Variants in MAP2 observed in about 807,000 individuals in gnomAD.
The protein encoded by MAP2 is microtubule associated protein 2, also known as microtubule-associated protein 2.
A neutral mutation model predicts 137.6 loss-of-function variants in MAP2; 14 were observed. That is an observed-to-expected ratio of 0.10 (90% CI 0.07 to 0.16). MAP2 has a LOEUF of 0.16. MAP2 is among the 10% of genes least tolerant of loss of function. The pLI, the probability that MAP2 is intolerant of heterozygous loss-of-function variation, is 1.00. For synonymous variants in MAP2, 786 were observed against 782.3 expected (o/e 1.00, Z -0.08); for missense variants, 2,088 against 2,191.5 (o/e 0.95, Z 0.94).
chr2:209,580,382 TA>T (rs1559346979), intron 3 of MAP2, among the ~76,000 whole-genome samples: 2 of 152,184 alleles, frequency 1.3e-5, no homozygotes, highest in South Asian at 4.1e-4. Flanking sequence ...ATGTTTTTTT[TA>T]AAGTCCAAAA....
intron 2 of MAP2, among the ~76,000 whole-genome samples, chr2:209,557,243 A>G (rs1445138708): frequency 6.6e-6 from 1 of 152,212 alleles, no homozygotes; most frequent in African/African-American, 2.4e-5. Context: ...TTGTGGCACC[A>G]TCTTGTTCTC....
chr2:209,461,267 T>C (rs899921377), intron 1 of MAP2, among the ~76,000 whole-genome samples: 1 of 152,210 alleles, frequency 6.6e-6, no homozygotes, highest in Non-Finnish European at 1.5e-5. Context: ...GTTAAATAAA[T>C]GTAATAAAAT....
intron 2 of MAP2, among the ~76,000 whole-genome samples, chr2:209,573,764 G>A (rs946701707): frequency 3.3e-5 from 5 of 152,054 alleles, no homozygotes; most frequent in East Asian, 1.9e-4. Flanking sequence ...AAGGCCCTAC[G>A]CATTAGTTGT....
At position 209,623,925 on chromosome 2, in the gene MAP2, G is replaced by A. The variant is rs189478042; in HGVS notation, c.-106-1128G>A. Among the ~76,000 whole-genome samples the A allele has an allele frequency of 5.9e-5, 9 of 152,210 alleles. No homozygotes were observed. In the East Asian group the frequency reaches 1.7e-3, roughly 29 times the overall value. ...ATTCTAACTTTAATATGTACTAATA[G>A]GACTTGTTTGCTGCTGCACATTGTG... On this transcript the variant is annotated intron_variant, in intron 3 of 15. Transcript: ENST00000682079.
At chr2:209,709,760 G>A (rs112084474) in intron 12 of MAP2, among the ~76,000 whole-genome samples, 154 bp from the exon 13 acceptor site, 4 of 152,170 alleles carry the variant, frequency 2.6e-5, no homozygotes, top group African/African-American at 7.2e-5. Flanking sequence ...TTTCAGAAAC[G>A]AGACTCTCAG....
intron 1 of MAP2, among the ~76,000 whole-genome samples, chr2:209,460,959 G>C (rs1417456357): frequency 6.6e-6 from 1 of 152,038 alleles, no homozygotes; most frequent in Non-Finnish European, 1.5e-5. Context: ...ATGTTGGCCA[G>C]GCTGCTCTTG....
intron 3 of MAP2, among the ~76,000 whole-genome samples, chr2:209,603,246 G>C (rs2083517784): frequency 6.6e-6 from 1 of 151,868 alleles, no homozygotes. Flanking sequence ...ATTACACTGT[G>C]GAATCTAAAA....
At chr2:209,475,179 A>G (rs554548423) in intron 1 of MAP2, among the ~76,000 whole-genome samples, 13 of 152,236 alleles carry the variant, frequency 8.5e-5, no homozygotes, top group African/African-American at 3.1e-4. Flanking sequence ...TAAAAATGGT[A>G]ACATCCTACT....
chr2:209,628,039 T>C (rs749780908), intron 4 of MAP2, among the ~76,000 whole-genome samples: 1 of 152,166 alleles, frequency 6.6e-6, no homozygotes, highest in Non-Finnish European at 1.5e-5. Context: ...CTAAATGTGT[T>C]TGAAGTTTGA....
chr2:209,470,462 T>C (rs1248630606), intron 1 of MAP2, among the ~76,000 whole-genome samples: 1 of 149,630 alleles, frequency 6.7e-6, no homozygotes, highest in Non-Finnish European at 1.5e-5. Flanking sequence ...GTAAAAAATA[T>C]ATATAAACAT....
intron 13 of MAP2, among the ~76,000 whole-genome samples, chr2:209,715,163 T>C (rs555946735): frequency 2.0e-5 from 3 of 152,246 alleles, no homozygotes; most frequent in Non-Finnish European, 2.9e-5. Context: ...TTTTCTCCTA[T>C]AATTGACAGT....
intron 11 of MAP2, chr2:209,703,951 T>G (rs940219879): frequency 2.2e-6 from 1 of 455,282 alleles, no homozygotes; most frequent in Non-Finnish European, 4.4e-6. Context: ...TTGTGTTTTA[T>G]TTGTATAACA....
chr2:209,630,729 A>C (rs2092916485), intron 4 of MAP2, among the ~76,000 whole-genome samples: 1 of 152,008 alleles, frequency 6.6e-6, no homozygotes, highest in African/African-American at 2.4e-5. Context: ...CCTCCAAGGG[A>C]AAGACAAATG....
intron 3 of MAP2, among the ~76,000 whole-genome samples, chr2:209,611,488 T>G (rs911960265): frequency 6.6e-6 from 1 of 151,862 alleles, no homozygotes; most frequent in Non-Finnish European, 1.5e-5. Flanking sequence ...ATAATATAAT[T>G]TACAATTTAA....
chr2:209,710,202 A>C lies in MAP2; in HGVS notation c.5021A>C (p.Lys1674Thr). The C allele has an allele frequency of 6.2e-7, 1 of 1,607,538 alleles. No individual in the cohort carries two copies. The highest frequency in any genetic ancestry group is 8.5e-7 in the Non-Finnish European group (1 of 1,176,350). ...CCACTGCCAGACCTGAAGAATGTCA[A>C]ATCCAAAATCGGATCAACAGACAAC... is the stretch of plus-strand genomic sequence containing the variant. ...NQPLPDLKNV[K>T]SKIGSTDNIK... Residue 1674 changes from lysine to threonine, a missense_variant, in exon 13 of 16, where the codon AAA becomes ACA. Coordinates refer to ENST00000682079, the MANE Select transcript of MAP2 (RefSeq NM_001375505.1).
At chr2:209,588,799 C>T (rs570262774) in intron 3 of MAP2, among the ~76,000 whole-genome samples, 12 of 151,862 alleles carry the variant, frequency 7.9e-5, no homozygotes, top group Non-Finnish European at 8.8e-5. Flanking sequence ...AAAAAAAAAC[C>T]TAAGTAGACT....
Position 209,512,556 on chromosome 2 carries a change from TACACACACACACACACACACACACACAC to T in MAP2, c.-172+4933_-172+4960del, listed in dbSNP as rs150144839. Reference sequence around the variant, plus strand: ...TATTAATGAAAGAAGCCAGAAGTTATACACACACACACACACACACACACACACACACACACACACACACAAACACATA... The same window carrying T: ...TATTAATGAAAGAAGCCAGAAGTTATACACACACACACACACAAACACATA... On this transcript the variant is annotated intron_variant, in intron 2 of 15. Coordinates refer to ENST00000682079, the MANE Select transcript of MAP2 (RefSeq NM_001375505.1). Among the ~76,000 whole-genome samples, 5 of 144,920 alleles carry T rather than the reference TACACACACACACACACACACACACACAC, an allele frequency of 3.5e-5. 1 individual carries two copies. Among genetic ancestry groups the T allele is most frequent in the South Asian group, 4.5e-4 (2 of 4,456 alleles).
chr2:209,578,148 G>T (rs2153388840), intron 2 of MAP2, among the ~76,000 whole-genome samples: 1 of 152,308 alleles, frequency 6.6e-6, no homozygotes, highest in Admixed American at 6.5e-5. Flanking sequence ...CCTGGGTTTT[G>T]TGACCTTGGT....
intron 1 of MAP2, among the ~76,000 whole-genome samples, chr2:209,491,300 T>A (rs1375385453): frequency 2.0e-5 from 3 of 152,168 alleles, no homozygotes; most frequent in Non-Finnish European, 4.4e-5. Flanking sequence ...TAAAGCAGTG[T>A]TTAGAGGGAA....
Sources: gnomAD v4.1 joint callset for allele counts (sites outside exome capture counted in the v4.1 genomes callset) on GRCh38, gnomAD v4.1.1 for gene constraint, MANE v1.5 for transcripts, NCBI Gene and HGNC (gene_info 2026-07-23, HGNC 2026-07-21) for gene names.